Variants in VPS37A observed in about 807,000 individuals in gnomAD.
The protein encoded by VPS37A is VPS37A subunit of ESCRT-I.
In VPS37A, 30 loss-of-function variants were observed where a neutral mutation model predicts 49.8. The ratio of observed to expected loss-of-function variants is 0.60; its 90% CI spans 0.45 to 0.82. The LOEUF (loss-of-function observed/expected upper bound fraction) is 0.82, where lower values mean the gene tolerates loss of function less well. VPS37A is among the 40% of genes least tolerant of loss of function. VPS37A has a pLI of 0.00. For synonymous variants in VPS37A, 195 were observed against 160.6 expected (o/e 1.21, Z -1.62); for missense variants, 593 against 464.4 (o/e 1.28, Z -2.55).
rs1379744197 is a variant in VPS37A at position 17,297,815 on chromosome 8, ACCTTT to A, written c.*2830_*2834del. ...AAAGTTTTAATAAGCAATAAATGTA[ACCTTT>A]TATATAAATCTCAGTGCTAGGTTAA... On this transcript the variant is annotated 3_prime_UTR_variant, in exon 12 of 12. Transcript: ENST00000324849. 2 of 151,528 alleles carry A rather than the reference ACCTTT, an allele frequency of 1.3e-5. No homozygotes were observed. The highest frequency in any genetic ancestry group is 1.3e-4 in the Admixed American group (2 of 15,134). The allele number at this position is 151,528 out of a possible 1,614,324, so 9.4% of individuals were successfully genotyped here. A position where few individuals can be genotyped will look rare whatever the true frequency, so the allele number is the denominator to read the frequency against.
At chr8:17,263,059 CAA>C (rs11311080) in intron 1 of VPS37A, among the ~76,000 whole-genome samples, 94 of 92,600 alleles carry the variant, frequency 1.0e-3, no homozygotes, top group South Asian at 9.7e-4. Flanking sequence ...AACCCCATCT[CAA>C]AAAAAAAAAA....
intron 5 of VPS37A, 88 bp downstream of exon 5, chr8:17,275,046 A>G: frequency 1.6e-6 from 2 of 1,221,026 alleles, no homozygotes; most frequent in South Asian, 1.5e-5. Flanking sequence ...TGTGCCAGAT[A>G]ATAAGTTAGA....
chr8:17,309,575 C>T, the VPS37A span, among the ~76,000 whole-genome samples: 1 of 152,216 alleles, frequency 6.6e-6, no homozygotes, highest in Non-Finnish European at 1.5e-5. Context: ...CCGCTGAATG[C>T]TTCCTATGTG....
intron 1 of VPS37A, among the ~76,000 whole-genome samples, chr8:17,263,239 G>A (rs866821666): frequency 2.0e-5 from 3 of 151,820 alleles, no homozygotes; most frequent in Non-Finnish European, 4.4e-5. Flanking sequence ...GTTTACAGTG[G>A]TTTTTTGGCA....
chr8:17,327,204 C>A, the VPS37A span, among the ~76,000 whole-genome samples: 1 of 152,214 alleles, frequency 6.6e-6, no homozygotes, highest in Non-Finnish European at 1.5e-5. Flanking sequence ...TACTGTTAGA[C>A]ATTCATTCGG....
chr8:17,297,543 T>A lies in VPS37A; in HGVS notation c.*2557T>A, dbSNP rs1293946059. On this transcript the variant is annotated 3_prime_UTR_variant, in exon 12 of 12. Coordinates refer to ENST00000324849, the MANE Select transcript of VPS37A (RefSeq NM_152415.3). ...CAGTTACTGATTTGCTGGGTCATGG[T>A]CAAAATTCTTACCTATTTATTTCAT... is the stretch of plus-strand genomic sequence containing the variant. 7.8e-6 allele frequency: 1 copy of A among 127,478 alleles called. No homozygotes were observed. Among genetic ancestry groups the A allele is most frequent in the African/African-American group, 3.5e-5 (1 of 28,770 alleles). The allele number at this position is 127,478 out of a possible 1,614,324, so 7.9% of individuals were successfully genotyped here.
At chr8:17,280,634 G>A (rs1814970374) in intron 9 of VPS37A, among the ~76,000 whole-genome samples, 191 bp downstream of exon 9, 2 of 151,926 alleles carry the variant, frequency 1.3e-5, no homozygotes, top group African/African-American at 4.8e-5. Flanking sequence ...GCTCATATAA[G>A]AGCGTATTTG....
chr8:17,268,251 C>G lies in VPS37A; in HGVS notation c.201-7C>G, dbSNP rs764000300. On this transcript the variant is annotated splice_polypyrimidine_tract_variant and splice_region_variant and intron_variant, in intron 2 of 11. Coordinates refer to ENST00000324849, the MANE Select transcript of VPS37A (RefSeq NM_152415.3). Reference sequence around the variant, plus strand: ...TTTTTGTTTTTCATCTGTTCTACCTCTACCAGATTGCTTCCTCCACAGTTT... The same window carrying G: ...TTTTTGTTTTTCATCTGTTCTACCTGTACCAGATTGCTTCCTCCACAGTTT... 6 of 1,596,668 alleles carry G rather than the reference C, an allele frequency of 3.8e-6. No individual in the cohort carries two copies. The highest frequency in any genetic ancestry group is 4.3e-6 in the Non-Finnish European group (5 of 1,165,924).
intron 11 of VPS37A, 146 bp downstream of exon 11, chr8:17,286,573 TATATA>T (rs1477394994): frequency 4.8e-6 from 3 of 619,416 alleles, no homozygotes; most frequent in African/African-American, 3.7e-5. Flanking sequence ...TGCTTTGTAT[TATATA>T]ATAAGCATAA....
Position 17,286,352 on chromosome 8 carries a change from C to G in VPS37A, c.1119C>G (p.Cys373Trp). 6.2e-7 allele frequency: 1 copy of G among 1,612,868 alleles called. No individual in the cohort carries two copies. The highest frequency in any genetic ancestry group is 8.5e-7 in the Non-Finnish European group (1 of 1,179,498). ...TTCAAAAATTTATTTTCTAGATTTG[C>G]CACTGTAGAAGAGCCAAGGAAGAGA... is the stretch of plus-strand genomic sequence containing the variant. ...LSSFMEKRTI[C>W]HCRRAKEEKL... The change falls in exon 11 of 12, where the codon TGC (cysteine) becomes TGG (tryptophan). Residue 373 changes from cysteine (C) to tryptophan (W), a missense_variant. Transcript: ENST00000324849.
chr8:17,300,501 C>CTCT, downstream of VPS37A, among the ~76,000 whole-genome samples: 1 of 152,276 alleles, frequency 6.6e-6, no homozygotes. Context: ...CCTAGTCTCC[C>CTCT]TCTTTTCTAT....
At chr8:17,267,049 G>A (rs1813532066) in intron 2 of VPS37A, among the ~76,000 whole-genome samples, 1 of 152,148 alleles carries the variant, frequency 6.6e-6, no homozygotes, top group African/African-American at 2.4e-5. Flanking sequence ...GGAATTACAG[G>A]CGTATGTGAG....
At chr8:17,249,678 G>C (rs1463638861) in intron 1 of VPS37A, among the ~76,000 whole-genome samples, 1 of 152,114 alleles carries the variant, frequency 6.6e-6, no homozygotes, top group Non-Finnish European at 1.5e-5. Context: ...AAAATAATCT[G>C]TCTGTATGGT....
chr8:17,256,454 T>G (rs1439183559), intron 1 of VPS37A, among the ~76,000 whole-genome samples: 1 of 151,700 alleles, frequency 6.6e-6, no homozygotes, highest in African/African-American at 2.4e-5. Context: ...TGAGAAATGT[T>G]TGTTGAGATC....
chr8:17,299,628 G>C, downstream of VPS37A: 2 of 542,330 alleles, frequency 3.7e-6, no homozygotes, highest in East Asian at 6.5e-5. Flanking sequence ...TCATAGTCTA[G>C]GGTGAGCTTC....
At chr8:17,256,813 C>T (rs545454824) in intron 1 of VPS37A, among the ~76,000 whole-genome samples, 40 of 152,096 alleles carry the variant, frequency 2.6e-4, no homozygotes, top group African/African-American at 8.9e-4. Flanking sequence ...CCACCACACC[C>T]GGCTAATTTT....
chr8:17,263,649 T>G (rs562670039), intron 1 of VPS37A, among the ~76,000 whole-genome samples: 1 of 152,292 alleles, frequency 6.6e-6, no homozygotes, highest in East Asian at 1.9e-4. Flanking sequence ...CAATGAAAAT[T>G]TTCTATAAAA....
Position 17,247,050 on chromosome 8 carries a change from C to A in VPS37A, c.-195C>A. On this transcript the variant is annotated 5_prime_UTR_variant, in exon 1 of 12. Coordinates refer to ENST00000324849, the MANE Select transcript of VPS37A (RefSeq NM_152415.3). ...CCGGGCCGCAAGTTTCCCTCTCCAG[C>A]CGCCCGCCGTTCGTAGCATGTCCCC... is the stretch of plus-strand genomic sequence containing the variant. 1.4e-6 allele frequency: 1 copy of A among 699,446 alleles called. No individual in the cohort carries two copies. The highest frequency in any genetic ancestry group is 2.3e-6 in the Non-Finnish European group (1 of 429,430). 43.3% of individuals were successfully genotyped at this position (699,446 alleles called of 1,614,324 possible). A position where few individuals can be genotyped will look rare whatever the true frequency, so the allele number is the denominator to read the frequency against.
chr8:17,306,013 GCCATAAATGCAAAAACAA>G, downstream of VPS37A: 1 of 1,419,280 alleles, frequency 7.0e-7, no homozygotes, highest in Non-Finnish European at 9.7e-7. Context: ...AAAGTACAAA[GCCATAAATGCAAAAACAA>G]CCATAAAAGC....
Sources: allele counts gnomAD v4.1 joint callset (sites outside exome capture counted in the v4.1 genomes callset), GRCh38; gene constraint gnomAD v4.1.1; transcripts MANE v1.5; gene names NCBI Gene and HGNC (gene_info 2026-07-23, HGNC 2026-07-21).